Variants in FAT3 observed in about 807,000 individuals in gnomAD.
The protein encoded by FAT3 is protocadherin Fat 3.
FAT3 carries 95 observed loss-of-function variants against 310.2 expected under a neutral mutation model. That is an observed-to-expected ratio of 0.31 (90% CI 0.26 to 0.36). The LOEUF is 0.36. Ranked by LOEUF, FAT3 falls within the 10% of genes least tolerant of loss-of-function variation. The pLI, the probability that FAT3 is intolerant of heterozygous loss-of-function variation, is 1.00. For synonymous variants in FAT3, 2,314 were observed against 2,192.9 expected (o/e 1.06, Z -1.54); for missense variants, 5,408 against 5,715.6 (o/e 0.95, Z 1.74).
chr11:92,350,915 A>C (rs1023470942), intron 1 of FAT3, among the ~76,000 whole-genome samples: 1 of 152,186 alleles, frequency 6.6e-6, no homozygotes, highest in African/African-American at 2.4e-5. Context: ...GGAAGAACTC[A>C]TATTTGGGGG....
At chr11:92,874,219 C>A (rs931015985) in intron 22 of FAT3, among the ~76,000 whole-genome samples, 2 of 152,082 alleles carry the variant, frequency 1.3e-5, no homozygotes, top group Non-Finnish European at 1.5e-5. Flanking sequence ...TATTTGTGAT[C>A]AAAAAATCCC....
intron 2 of FAT3, among the ~76,000 whole-genome samples, chr11:92,403,682 A>G (rs1250658230): frequency 2.0e-5 from 3 of 152,188 alleles, no homozygotes; most frequent in Non-Finnish European, 4.4e-5. Flanking sequence ...AATGTGTAGG[A>G]CAATGCACTG....
chr11:92,606,359 G>GGA (rs1216540757), intron 3 of FAT3, among the ~76,000 whole-genome samples: 1 of 152,138 alleles, frequency 6.6e-6, no homozygotes, highest in Non-Finnish European at 1.5e-5. Context: ...TCTGCCTGAA[G>GGA]GAGAGTGCAG....
chr11:92,296,919 A>AT (rs1262045727), intron 1 of FAT3, among the ~76,000 whole-genome samples: 1 of 152,124 alleles, frequency 6.6e-6, no homozygotes, highest in Admixed American at 6.6e-5. Context: ...AGTGATCCAG[A>AT]ACAGTGAGTA....
intron 19 of FAT3, among the ~76,000 whole-genome samples, chr11:92,847,086 A>G (rs779487894): frequency 6.6e-6 from 1 of 152,020 alleles, no homozygotes; most frequent in Non-Finnish European, 1.5e-5. Flanking sequence ...AAGAACAGGG[A>G]CTCTTCCTTT....
chr11:92,807,406 A>G (rs1947533379), intron 12 of FAT3, among the ~76,000 whole-genome samples: 1 of 152,154 alleles, frequency 6.6e-6, no homozygotes, highest in Non-Finnish European at 1.5e-5. Flanking sequence ...ATATCCAAAT[A>G]TGGGTACTCT....
At position 92,361,399 on chromosome 11, in the gene FAT3, T is replaced by TAG. The variant is rs1479917867; in HGVS notation, c.3292+5996_3292+5997insGA. Reference sequence around the variant, plus strand: ...CCTCATAGCTCATGTTAGAACCTAATAACAAATGTATAGTGTTAAGAGGTG... The same window carrying TAG: ...CCTCATAGCTCATGTTAGAACCTAATAGAACAAATGTATAGTGTTAAGAGGTG... On this transcript the variant is annotated intron_variant, in intron 2 of 27. Coordinates refer to ENST00000525166, the MANE Select transcript of FAT3 (RefSeq NM_001367949.2). Among the ~76,000 whole-genome samples the TAG allele has an allele frequency of 4.1e-4, 61 of 147,822 alleles. No individual in the cohort carries two copies. The Middle Eastern group carries it at 0.02, about 49-fold the overall frequency.
intron 3 of FAT3, among the ~76,000 whole-genome samples, chr11:92,630,930 T>A (rs943344218): frequency 6.6e-6 from 1 of 152,260 alleles, no homozygotes; most frequent in Non-Finnish European, 1.5e-5. Context: ...ATGAACCATC[T>A]AGCTCACAGC....
At chr11:92,512,747 C>A (rs1953340149) in intron 2 of FAT3, among the ~76,000 whole-genome samples, 1 of 151,372 alleles carries the variant, frequency 6.6e-6, no homozygotes, top group Non-Finnish European at 1.5e-5. Flanking sequence ...GGGCCTGGTG[C>A]AGGAACTCAG....
chr11:92,532,822 T>G (rs544774673), intron 3 of FAT3, among the ~76,000 whole-genome samples: 38 of 152,146 alleles, frequency 2.5e-4, no homozygotes, highest in Non-Finnish European at 1.2e-4. Context: ...TGTGGATTGT[T>G]TCATCATTGG....
At chr11:92,784,118 T>C (rs1400791605) in intron 7 of FAT3, among the ~76,000 whole-genome samples, 1 of 152,190 alleles carries the variant, frequency 6.6e-6, no homozygotes, top group Admixed American at 6.5e-5. Context: ...TGGGGTTGAG[T>C]CTGGCCTTGA....
Position 92,789,939 on chromosome 11 carries a change from A to G in FAT3, c.4336-4A>G, listed in dbSNP as rs1354355330. The stretch of plus-strand genomic sequence containing the variant: ...TCATCATTCTTTTCTTCTTTTAACT[A>G]CAGGTATTTATCAAAGTGCTGGATA... On this transcript the variant is annotated splice_polypyrimidine_tract_variant and splice_region_variant and intron_variant, in intron 7 of 27. Coordinates refer to ENST00000525166, the MANE Select transcript of FAT3 (RefSeq NM_001367949.2). 2.9e-5 allele frequency: 47 copies of G among 1,612,948 alleles called. No homozygotes were observed. Among genetic ancestry groups the G allele is most frequent in the Non-Finnish European group, 3.9e-5 (46 of 1,179,140 alleles).
At chr11:92,372,891 ACCT>A (rs1455143023) in intron 2 of FAT3, among the ~76,000 whole-genome samples, 1 of 151,812 alleles carries the variant, frequency 6.6e-6, no homozygotes, top group East Asian at 1.9e-4. Context: ...GGATCTCCTG[ACCT>A]TGTGATCCGC....
At chr11:92,742,404 A>G (rs886993391) in intron 4 of FAT3, among the ~76,000 whole-genome samples, 1 of 152,210 alleles carries the variant, frequency 6.6e-6, no homozygotes, top group Non-Finnish European at 1.5e-5. Context: ...TCCATGTTGG[A>G]AGAACAAATG....
intron 4 of FAT3, among the ~76,000 whole-genome samples, chr11:92,735,946 A>G (rs895421284): frequency 2.0e-5 from 3 of 152,118 alleles, no homozygotes; most frequent in African/African-American, 4.8e-5. Context: ...TGTAACAAAT[A>G]TGGATATTGA....
At chr11:92,607,996 G>C (rs1053183093) in intron 3 of FAT3, among the ~76,000 whole-genome samples, 3 of 151,428 alleles carry the variant, frequency 2.0e-5, no homozygotes, top group African/African-American at 7.3e-5. Flanking sequence ...TCCATTTCTT[G>C]AACTTTTTTT....
At chr11:92,766,942 A>C in intron 6 of FAT3, 1 of 152,222 alleles carries the variant, frequency 6.6e-6, no homozygotes, top group East Asian at 1.9e-4. Context: ...CCAGGTGTCC[A>C]GAGACATGTG....
In FAT3 at chr11:92,894,018, T is replaced by C. The variant is rs1949970437; in HGVS notation, c.*2905T>C. 6.6e-6 allele frequency: 1 copy of C among 152,184 alleles called. No homozygotes were observed. The highest frequency in any genetic ancestry group is 2.1e-4 in the South Asian group (1 of 4,828). The allele number at this position is 152,184 out of a possible 1,614,324, so 9.4% of individuals were successfully genotyped here. A position where few individuals can be genotyped will look rare whatever the true frequency, so the allele number is the denominator to read the frequency against. ...AACCCATCCATCTAGCCAATATTCT[T>C]TTTACATCATATTGTTCACCCCTAC... On this transcript the variant is annotated 3_prime_UTR_variant, in exon 28 of 28. Coordinates refer to ENST00000525166, the MANE Select transcript of FAT3 (RefSeq NM_001367949.2).
intron 19 of FAT3, among the ~76,000 whole-genome samples, chr11:92,847,920 C>T (rs897821408): frequency 7.9e-5 from 10 of 127,246 alleles, no homozygotes; most frequent in Non-Finnish European, 1.4e-4. Context: ...TCCCCCCAAA[C>T]ACACACACAC....
Sources: allele counts gnomAD v4.1 joint callset (sites outside exome capture counted in the v4.1 genomes callset), GRCh38; gene constraint gnomAD v4.1.1; transcripts MANE v1.5; gene names NCBI Gene and HGNC (gene_info 2026-07-23, HGNC 2026-07-21).